HS6ST3: variants seen among roughly 807,000 people sequenced by gnomAD.
HS6ST3 encodes the protein heparan sulfate 6-O-sulfotransferase 3.
In HS6ST3, 12 loss-of-function variants were observed where a neutral mutation model predicts 36.7. That is an observed-to-expected ratio of 0.33 (90% CI 0.21 to 0.53). HS6ST3 has a LOEUF of 0.53. Ranked by LOEUF, HS6ST3 falls within the 20% of genes least tolerant of loss-of-function variation. HS6ST3 has a pLI of 0.95. For synonymous variants in HS6ST3, 240 were observed against 257.5 expected (o/e 0.93, Z 0.65); for missense variants, 584 against 640.9 (o/e 0.91, Z 0.96).
chr13:96,381,410 GTATC>G (rs78957056), intron 1 of HS6ST3, among the ~76,000 whole-genome samples: 20 of 138,578 alleles, frequency 1.4e-4, no homozygotes, highest in Admixed American at 2.3e-4. Flanking sequence ...ATGTATCTAT[GTATC>G]TATCTATCTA....
At chr13:96,355,883 C>T (rs1044285148) in intron 1 of HS6ST3, among the ~76,000 whole-genome samples, 2 of 84,234 alleles carry the variant, frequency 2.4e-5, no homozygotes, top group Admixed American at 1.1e-4. Context: ...TTATCAAACT[C>T]CACTGCTACT....
At chr13:96,362,580 A>T (rs74869696) in intron 1 of HS6ST3, among the ~76,000 whole-genome samples, 10 of 152,258 alleles carry the variant, frequency 6.6e-5, no homozygotes, top group African/African-American at 2.4e-4. Flanking sequence ...TGCTGTGTGA[A>T]TCTCACTGGT....
intron 1 of HS6ST3, among the ~76,000 whole-genome samples, chr13:96,111,975 GAA>G (rs2053870393): frequency 6.6e-6 from 1 of 152,070 alleles, no homozygotes; most frequent in Non-Finnish European, 1.5e-5. Flanking sequence ...AAAATGGTTT[GAA>G]AAAAGTTAGG....
chr13:96,501,333 C>T (rs2056003539), intron 1 of HS6ST3, among the ~76,000 whole-genome samples: 1 of 152,322 alleles, frequency 6.6e-6, no homozygotes, highest in South Asian at 2.1e-4. Context: ...GTGCCCACTA[C>T]TGTAATATAC....
chr13:96,275,937 C>G (rs1385041575), intron 1 of HS6ST3, among the ~76,000 whole-genome samples: 1 of 151,404 alleles, frequency 6.6e-6, no homozygotes, highest in East Asian at 2.0e-4. Context: ...CCTCTCCATG[C>G]CTGTTAAGCA....
intron 1 of HS6ST3, among the ~76,000 whole-genome samples, chr13:96,569,883 G>T (rs1407369704): frequency 6.6e-6 from 1 of 152,142 alleles, no homozygotes; most frequent in East Asian, 1.9e-4. Flanking sequence ...TCTCTACAGG[G>T]TTGTCAAAAA....
At chr13:96,122,290 C>A (rs2139306892) in intron 1 of HS6ST3, among the ~76,000 whole-genome samples, 1 of 152,046 alleles carries the variant, frequency 6.6e-6, no homozygotes, top group African/African-American at 2.4e-5. Flanking sequence ...ATATTTACTT[C>A]TTTCCAGCTA....
intron 1 of HS6ST3, among the ~76,000 whole-genome samples, chr13:96,610,163 G>A (rs568178782): frequency 1.2e-3 from 182 of 152,256 alleles, no homozygotes; most frequent in African/African-American, 4.1e-3. Context: ...CATTGGAGAA[G>A]TTACTTAATC....
chr13:96,477,198 C>G (rs958889152), intron 1 of HS6ST3, among the ~76,000 whole-genome samples: 2 of 152,124 alleles, frequency 1.3e-5, no homozygotes, highest in African/African-American at 4.8e-5. Flanking sequence ...AGTTCCTGAT[C>G]AGAATTCTCT....
At chr13:96,470,303 G>C (rs1048738310) in intron 1 of HS6ST3, among the ~76,000 whole-genome samples, 12 of 152,072 alleles carry the variant, frequency 7.9e-5, no homozygotes, top group African/African-American at 2.9e-4. Context: ...TCCCTTTAAG[G>C]ATGGCAAAGC....
intron 1 of HS6ST3, among the ~76,000 whole-genome samples, chr13:96,746,171 A>C (rs1876555844): frequency 6.6e-6 from 1 of 152,072 alleles, no homozygotes; most frequent in Non-Finnish European, 1.5e-5. Context: ...AAATCCAGGC[A>C]CTTTTATATA....
At chr13:96,324,858 T>G (rs937272980) in intron 1 of HS6ST3, among the ~76,000 whole-genome samples, 43 of 152,250 alleles carry the variant, frequency 2.8e-4, no homozygotes, top group African/African-American at 1.0e-3. Flanking sequence ...TACCTTGATC[T>G]CAGACTTCTG....
intron 1 of HS6ST3, among the ~76,000 whole-genome samples, chr13:96,424,515 A>T (rs1013386343): frequency 6.6e-6 from 1 of 152,224 alleles, no homozygotes; most frequent in African/African-American, 2.4e-5. Context: ...CATCAACTGG[A>T]TAGCATACAA....
chr13:96,368,944 C>T (rs2055276376), intron 1 of HS6ST3, among the ~76,000 whole-genome samples: 2 of 151,888 alleles, frequency 1.3e-5, no homozygotes, highest in Non-Finnish European at 1.5e-5. Context: ...CATGTTTGTC[C>T]CCAGGAAACA....
At chr13:96,546,302 C>G (rs569000020) in intron 1 of HS6ST3, among the ~76,000 whole-genome samples, 105 of 151,902 alleles carry the variant, frequency 6.9e-4, no homozygotes, top group Non-Finnish European at 1.3e-3. Context: ...TCTAGAGAAC[C>G]ATTACAGGGG....
Position 96,686,738 on chromosome 13 carries a change from T to A in HS6ST3, c.708-145752T>A, listed in dbSNP as rs181880872. Among the ~76,000 whole-genome samples, 582 of 152,138 alleles carry A rather than the reference T, an allele frequency of 3.8e-3. 1 individual carries two copies. Among genetic ancestry groups the A allele is most frequent in the Middle Eastern group, 0.017 (5 of 294 alleles). On this transcript the variant is annotated intron_variant, in intron 1 of 1. Transcript: ENST00000376705. ...TTTGTATCAGGCCCCTAATCAAGTT[T>A]GTAACATTCTCGCTGTGGGGCTTCA... is the stretch of plus-strand genomic sequence containing the variant.
At chr13:96,095,439 C>G (rs1037502394) in intron 1 of HS6ST3, among the ~76,000 whole-genome samples, 1 of 152,146 alleles carries the variant, frequency 6.6e-6, no homozygotes, top group Middle Eastern at 3.4e-3. Context: ...TAGTTTGAAC[C>G]CTGTGGATGT....
intron 1 of HS6ST3, among the ~76,000 whole-genome samples, chr13:96,517,773 C>T (rs1000714520): frequency 3.9e-5 from 6 of 152,080 alleles, no homozygotes; most frequent in Admixed American, 2.0e-4. Flanking sequence ...CTCAAGCAGG[C>T]CCCAGTGTCT....
chr13:96,261,446 T>C (rs952692170), intron 1 of HS6ST3, among the ~76,000 whole-genome samples: 3 of 152,120 alleles, frequency 2.0e-5, no homozygotes, highest in African/African-American at 7.2e-5. Flanking sequence ...AGGAAATTGA[T>C]TGCACACTGC....
Sources: gnomAD v4.1 joint callset for allele counts (sites outside exome capture counted in the v4.1 genomes callset) on GRCh38, gnomAD v4.1.1 for gene constraint, MANE v1.5 for transcripts, NCBI Gene and HGNC (gene_info 2026-07-23, HGNC 2026-07-21) for gene names.